Variants in SLC38A11 observed in about 807,000 individuals in gnomAD.
SLC38A11 encodes the protein putative sodium-coupled neutral amino acid transporter 11.
In SLC38A11, 51 loss-of-function variants were observed where a neutral mutation model predicts 49.4. The observed-to-expected ratio is 1.03, with a 90% CI of 0.83 to 1.30. The LOEUF (loss-of-function observed/expected upper bound fraction) is 1.30. SLC38A11 is among the 50% of genes most tolerant of loss of function. The probability of loss-of-function intolerance (pLI) is 0.00; values close to 1 mark genes in which losing one functional copy is unlikely to be tolerated. For missense variants in SLC38A11, 574 were observed against 556.2 expected (o/e 1.03, Z -0.32); for synonymous variants, 203 against 192.9 (o/e 1.05, Z -0.43).
At chr2:164,904,134 T>G (rs1398691929) in intron 11 of SLC38A11, among the ~76,000 whole-genome samples, 2 of 152,124 alleles carry the variant, frequency 1.3e-5, no homozygotes, top group Non-Finnish European at 2.9e-5. Flanking sequence ...TTCCTTCCAC[T>G]GTAAACCACA....
chr2:164,915,104 C>A lies in SLC38A11; in HGVS notation c.850+8G>T. 1 of 1,601,056 alleles carries A rather than the reference C, an allele frequency of 6.2e-7. No homozygotes were observed. The highest frequency in any genetic ancestry group is 1.1e-5 in the South Asian group (1 of 88,480). On this transcript the variant is annotated splice_region_variant and intron_variant, in intron 9 of 11. Coordinates refer to ENST00000685975, the MANE Select transcript of SLC38A11 (RefSeq NM_001351537.2). The stretch of plus-strand genomic sequence containing the variant: ...ACATGAACACTATAACTGAATCTCT[C>A]ATTTTACCTTGGGTGAAGCCAGTAA...
chr2:164,898,547 G>T lies in SLC38A11; in HGVS notation c.1279C>A (p.Gln427Lys). The change falls in exon 12 of 12, where the codon CAG becomes AAG. Residue 427 changes from glutamine to lysine, a missense_variant. By Grantham distance (53) the Gln-to-Lys change is moderately conservative (BLOSUM62 1). Transcript: ENST00000685975. ...TCAGGAAAGCAGTAGAACATTTCCT[G>T]CCCATGGGTGCAGTCTTGAGTATTT... ...ITNTQDCTHG[Q>K]EMFYCFPDNF... is the part of the protein sequence containing the mutation. 8.7e-6 allele frequency: 14 copies of T among 1,613,608 alleles called. No individual in the cohort carries two copies. Among genetic ancestry groups the T allele is most frequent in the Non-Finnish European group, 1.2e-5 (14 of 1,179,736 alleles).
At chr2:164,938,895 T>A (rs1331686222) in intron 6 of SLC38A11, among the ~76,000 whole-genome samples, 2 of 152,162 alleles carry the variant, frequency 1.3e-5, no homozygotes, top group Non-Finnish European at 2.9e-5. Context: ...TGTAGTGAAC[T>A]GAATAATTAT....
intron 7 of SLC38A11, among the ~76,000 whole-genome samples, chr2:164,920,656 A>G (rs1033175567): frequency 1.3e-5 from 2 of 152,128 alleles, no homozygotes; most frequent in African/African-American, 4.8e-5. Context: ...GAGGTGATTC[A>G]CTTTACAAAA....
At chr2:164,899,170 A>G (rs1314587309) in intron 11 of SLC38A11, among the ~76,000 whole-genome samples, 1 of 152,136 alleles carries the variant, frequency 6.6e-6, no homozygotes, top group Non-Finnish European at 1.5e-5. Flanking sequence ...GGGAAATTGT[A>G]TAGGGGCCAC....
chr2:164,946,551 C>G (rs573582516), intron 3 of SLC38A11, among the ~76,000 whole-genome samples: 3 of 125,992 alleles, frequency 2.4e-5, no homozygotes, highest in Admixed American at 2.0e-4. Context: ...GGCAACACAG[C>G]GAGACTCCCT....
In SLC38A11 at chr2:164,898,509, G is replaced by A; in HGVS notation, c.1317C>T (p.Leu439=). 2 of 1,613,456 alleles carry A rather than the reference G, an allele frequency of 1.2e-6. No homozygotes were observed. Among genetic ancestry groups the A allele is most frequent in the Non-Finnish European group, 1.7e-6 (2 of 1,179,610 alleles). The change falls in exon 12 of 12, where the codon CTC becomes CTT. Residue 439 remains leucine (L), a synonymous_variant. Coordinates refer to ENST00000685975, the MANE Select transcript of SLC38A11 (RefSeq NM_001351537.2). ...GAACATGAGACTCTGAGGTATTTGTGAGAGAGAAATTGTCAGGAAAGCAGT... is the reference window on the plus strand; with the variant it reads ...GAACATGAGACTCTGAGGTATTTGTAAGAGAGAAATTGTCAGGAAAGCAGT... ...MFYCFPDNFS[L]TNTSESHVQQ...
Position 164,939,524 on chromosome 2 carries a change from A to G in SLC38A11, c.463T>C (p.Phe155Leu). 6.2e-7 allele frequency: 1 copy of G among 1,610,740 alleles called. No homozygotes were observed. The highest frequency in any genetic ancestry group is 8.5e-7 in the Non-Finnish European group (1 of 1,177,848). Reference protein sequence around the residue: ...DPENVFIGRHFIIGLSTVTFT... With the variant: ...DPENVFIGRHLIIGLSTVTFT... ...GTAACTGTGGAAAGTCCAATAATGA[A>G]GTGGCGACCAATAAACACGTTTTCA... Residue 155 changes from phenylalanine (F) to leucine (L), a missense_variant, in exon 6 of 12, where the codon TTC becomes CTC. Transcript: ENST00000685975.
intron 3 of SLC38A11, among the ~76,000 whole-genome samples, chr2:164,947,154 TAG>T (rs1323358962): frequency 2.4e-5 from 3 of 122,934 alleles, no homozygotes; most frequent in Non-Finnish European, 4.9e-5. Context: ...TTTTTTGAGA[TAG>T]AGTCTTGCTC....
intron 9 of SLC38A11, 85 bp from the exon 10 acceptor site, chr2:164,911,833 A>G: frequency 1.5e-6 from 1 of 671,974 alleles, no homozygotes; most frequent in Non-Finnish European, 2.4e-6. Context: ...TAGATATTAC[A>G]GTTATGCATC....
chr2:164,904,426 A>C (rs924579482), intron 11 of SLC38A11, among the ~76,000 whole-genome samples: 1 of 152,182 alleles, frequency 6.6e-6, no homozygotes, highest in Admixed American at 6.5e-5. Context: ...AAAAAAAGGA[A>C]AGCAAGGTTC....
chr2:164,946,927 A>G lies in SLC38A11; in HGVS notation c.230-1200T>C, dbSNP rs78168843. ...TTGATACTTCCTAGATCTTACTCTT[A>G]TCTGCTCTTTCGGAACACTGTTTCT... On this transcript the variant is annotated intron_variant, in intron 3 of 11. Transcript: ENST00000685975. Among the ~76,000 whole-genome samples the G allele has an allele frequency of 9.4e-3, 1,436 of 152,120 alleles. 29 individuals are homozygous for G. Among genetic ancestry groups the G allele is most frequent in the African/African-American group, 0.032 (1,329 of 41,488 alleles).
At chr2:164,953,999 T>C (rs911362108) in intron 2 of SLC38A11, among the ~76,000 whole-genome samples, 2 of 152,110 alleles carry the variant, frequency 1.3e-5, no homozygotes, top group African/African-American at 2.4e-5. Flanking sequence ...ATCTGAGCTA[T>C]TTATTTATTT....
chr2:164,914,969 G>C lies in SLC38A11; in HGVS notation c.850+143C>G, dbSNP rs150942862. On this transcript the variant is annotated intron_variant, in intron 9 of 11. Coordinates refer to ENST00000685975, the MANE Select transcript of SLC38A11 (RefSeq NM_001351537.2). ...GTAAAAACTAGGAAACAGACAGCAG[G>C]GGGGCAGGAGGGTAGAGAGAATGGG... 7.4e-4 allele frequency: 492 copies of C among 661,132 alleles called. No individual in the cohort carries two copies. The African/African-American group carries it at 8.4e-3, about 11-fold the overall frequency. The allele number at this position is 661,132 out of a possible 1,614,324, so 41.0% of individuals were successfully genotyped here. A position where few individuals can be genotyped will look rare whatever the true frequency, so the allele number is the denominator to read the frequency against.
intron 9 of SLC38A11, among the ~76,000 whole-genome samples, chr2:164,914,691 T>A (rs1172855751): frequency 1.3e-5 from 2 of 151,434 alleles, no homozygotes; most frequent in Non-Finnish European, 3.0e-5. Flanking sequence ...AGAATAACAA[T>A]GATAATATAA....
intron 6 of SLC38A11, chr2:164,937,802 T>A (rs1687476715): frequency 1.2e-5 from 2 of 161,374 alleles, no homozygotes; most frequent in African/African-American, 4.8e-5. Context: ...TGTTGACATG[T>A]GCTTTTTTAC....
intron 10 of SLC38A11, among the ~76,000 whole-genome samples, chr2:164,909,608 G>A (rs1685257794): frequency 6.6e-6 from 1 of 151,214 alleles, no homozygotes; most frequent in African/African-American, 2.4e-5. Flanking sequence ...TTTGAGGTAG[G>A]GCTTGAAACA....
chr2:164,947,325 T>G (rs1407439639), intron 3 of SLC38A11, among the ~76,000 whole-genome samples: 2 of 151,768 alleles, frequency 1.3e-5, no homozygotes, highest in African/African-American at 4.8e-5. Context: ...AGAGACGGGG[T>G]TTTGCCACGT....
At chr2:164,955,087 C>A in intron 1 of SLC38A11, 122 bp downstream of exon 1, 1 of 905,768 alleles carries the variant, frequency 1.1e-6, no homozygotes, top group Non-Finnish European at 1.7e-6. Context: ...ACTTTTTGTC[C>A]CAGAGAACTT....
Sources: allele counts gnomAD v4.1 joint callset (sites outside exome capture counted in the v4.1 genomes callset), GRCh38; gene constraint gnomAD v4.1.1; transcripts MANE v1.5; gene names NCBI Gene and HGNC (gene_info 2026-07-23, HGNC 2026-07-21).